Variants in UBE2G1 observed in about 807,000 individuals in gnomAD.
UBE2G1 encodes the protein ubiquitin-conjugating enzyme E2 G1.
In UBE2G1, 5 loss-of-function variants were observed where a neutral mutation model predicts 22.7. That is an observed-to-expected ratio of 0.22 (90% CI 0.12 to 0.46). UBE2G1 has a LOEUF of 0.46. Ranked by LOEUF, UBE2G1 falls within the 20% of genes least tolerant of loss-of-function variation. The pLI is 0.99. For synonymous variants in UBE2G1, 74 were observed against 67.5 expected (o/e 1.10, Z -0.47); for missense variants, 88 against 203.9 (o/e 0.43, Z 3.46).
chr17:4,306,834 T>A (rs1969253943), intron 2 of UBE2G1, among the ~76,000 whole-genome samples, 187 bp downstream of exon 2: 1 of 152,096 alleles, frequency 6.6e-6, no homozygotes, highest in Non-Finnish European at 1.5e-5. Context: ...GTATTTTTAG[T>A]AGAGATGGGG....
intron 2 of UBE2G1, among the ~76,000 whole-genome samples, chr17:4,300,406 G>A (rs890638799): frequency 1.3e-5 from 2 of 152,046 alleles, no homozygotes; most frequent in Non-Finnish European, 2.9e-5. Flanking sequence ...AGCCAGGCGT[G>A]GTGGCAGGTG....
At chr17:4,276,851 G>C (rs1277473566) in intron 5 of UBE2G1, among the ~76,000 whole-genome samples, 2 of 152,166 alleles carry the variant, frequency 1.3e-5, no homozygotes, top group Non-Finnish European at 2.9e-5. Context: ...TGAAACAAAG[G>C]CCTCAGTCAA....
At chr17:4,358,083 T>C (rs1197240824) in intron 1 of UBE2G1, among the ~76,000 whole-genome samples, 1 of 152,174 alleles carries the variant, frequency 6.6e-6, no homozygotes, top group Non-Finnish European at 1.5e-5. Flanking sequence ...AAAGTTCAAG[T>C]TTCTCCAAGT....
chr17:4,323,262 C>T (rs1969464497), intron 1 of UBE2G1, among the ~76,000 whole-genome samples: 1 of 152,124 alleles, frequency 6.6e-6, no homozygotes, highest in Admixed American at 6.6e-5. Context: ...AAGCTAAAGC[C>T]TTTGCTGATA....
At chr17:4,318,535 C>T (rs1969402292) in intron 1 of UBE2G1, among the ~76,000 whole-genome samples, 1 of 152,034 alleles carries the variant, frequency 6.6e-6, no homozygotes, top group Admixed American at 6.5e-5. Context: ...ATTTCTTACA[C>T]CTGGTACTAC....
chr17:4,286,896 A>G (rs1159203315), intron 4 of UBE2G1, among the ~76,000 whole-genome samples: 2 of 151,858 alleles, frequency 1.3e-5, no homozygotes, highest in African/African-American at 4.8e-5. Context: ...ACACAAAAAA[A>G]TTGCTGGGCG....
At chr17:4,316,891 G>GA (rs1226966201) in intron 1 of UBE2G1, among the ~76,000 whole-genome samples, 3 of 142,010 alleles carry the variant, frequency 2.1e-5, no homozygotes, top group Non-Finnish European at 4.5e-5. Flanking sequence ...AGTAACCTAA[G>GA]AAGGTGCCAA....
intron 1 of UBE2G1, among the ~76,000 whole-genome samples, chr17:4,334,396 A>G (rs1198764841): frequency 6.6e-6 from 1 of 152,210 alleles, no homozygotes; most frequent in East Asian, 1.9e-4. Context: ...AGTATCTCTA[A>G]GCCTGCTTTT....
chr17:4,324,853 G>A (rs376255544), intron 1 of UBE2G1, among the ~76,000 whole-genome samples: 19 of 152,234 alleles, frequency 1.2e-4, no homozygotes, highest in African/African-American at 3.4e-4. Flanking sequence ...CAAGATGGGC[G>A]GATCACGAGG....
intron 4 of UBE2G1, among the ~76,000 whole-genome samples, chr17:4,286,438 A>G (rs996724598): frequency 1.3e-5 from 2 of 151,514 alleles, no homozygotes; most frequent in East Asian, 1.9e-4. Flanking sequence ...TAAACTGTTT[A>G]TAAGTCATGG....
chr17:4,313,470 CT>C (rs1969333955), intron 1 of UBE2G1, among the ~76,000 whole-genome samples: 1 of 152,160 alleles, frequency 6.6e-6, no homozygotes, highest in Non-Finnish European at 1.5e-5. Flanking sequence ...AAGATAACAT[CT>C]TTTCTGAATG....
intron 5 of UBE2G1, among the ~76,000 whole-genome samples, chr17:4,278,190 G>A (rs967968073): frequency 2.6e-5 from 4 of 152,210 alleles, no homozygotes; most frequent in Non-Finnish European, 4.4e-5. Flanking sequence ...ATGCGCCACC[G>A]CGCCCGGCCT....
At chr17:4,310,241 T>C (rs1969294700) in intron 1 of UBE2G1, among the ~76,000 whole-genome samples, 1 of 152,176 alleles carries the variant, frequency 6.6e-6, no homozygotes, top group Non-Finnish European at 1.5e-5. Context: ...AAATTCCTAT[T>C]AATTGTACTT....
intron 3 of UBE2G1, among the ~76,000 whole-genome samples, chr17:4,293,680 G>C (rs1260304833): frequency 6.6e-6 from 1 of 152,078 alleles, no homozygotes; most frequent in Admixed American, 6.5e-5. Context: ...ATTGACATTT[G>C]TTATTATCTT....
At chr17:4,362,486 A>T (rs1213085188) in intron 1 of UBE2G1, among the ~76,000 whole-genome samples, 1 of 152,164 alleles carries the variant, frequency 6.6e-6, no homozygotes, top group African/African-American at 2.4e-5. Context: ...CCCTACAACA[A>T]TACTCAACCC....
intron 1 of UBE2G1, among the ~76,000 whole-genome samples, chr17:4,348,917 G>A (rs748129965): frequency 3.3e-5 from 5 of 149,524 alleles, no homozygotes; most frequent in East Asian, 2.0e-4. Flanking sequence ...GGCCGGGCAC[G>A]GTCGCTCACA....
intron 1 of UBE2G1, among the ~76,000 whole-genome samples, chr17:4,317,917 A>G (rs149362981): frequency 6.6e-6 from 1 of 152,200 alleles, no homozygotes; most frequent in Non-Finnish European, 1.5e-5. Context: ...AGTGTCACAC[A>G]AACAGCTTAC....
At chr17:4,299,148 T>C (rs1969144759) in intron 2 of UBE2G1, among the ~76,000 whole-genome samples, 1 of 152,232 alleles carries the variant, frequency 6.6e-6, no homozygotes, top group Non-Finnish European at 1.5e-5. Context: ...TTATATAATC[T>C]ATGTATGTGT....
intron 1 of UBE2G1, among the ~76,000 whole-genome samples, chr17:4,313,999 A>C (rs1043498629): frequency 2.6e-5 from 4 of 152,200 alleles, no homozygotes; most frequent in African/African-American, 9.7e-5. Flanking sequence ...GAATAAGACT[A>C]AAAAAGAACA....
Sources: allele counts gnomAD v4.1 joint callset (sites outside exome capture counted in the v4.1 genomes callset), GRCh38; gene constraint gnomAD v4.1.1; transcripts MANE v1.5; gene names NCBI Gene and HGNC (gene_info 2026-07-23, HGNC 2026-07-21).